Variants in FSTL5 observed in about 807,000 individuals in gnomAD.
FSTL5 encodes follistatin-related protein 5.
In FSTL5, 62 loss-of-function variants were observed where a neutral mutation model predicts 89.1. The observed-to-expected ratio is 0.70, with a 90% CI of 0.57 to 0.86. FSTL5 has a LOEUF of 0.86. FSTL5 is among the 40% of genes least tolerant of loss of function. The pLI, the probability that FSTL5 is intolerant of heterozygous loss-of-function variation, is 0.00. For missense variants in FSTL5, 1,057 were observed against 1,001.6 expected (o/e 1.06, Z -0.75); for synonymous variants, 383 against 346.2 (o/e 1.11, Z -1.18).
intron 15 of FSTL5, among the ~76,000 whole-genome samples, chr4:161,401,076 T>C (rs923596710): frequency 5.3e-5 from 8 of 152,176 alleles, no homozygotes; most frequent in Admixed American, 4.6e-4. Context: ...AACTTTAGAA[T>C]TTAACATTGA....
intron 4 of FSTL5, among the ~76,000 whole-genome samples, chr4:161,782,358 A>G (rs1741705219): frequency 6.6e-6 from 1 of 152,176 alleles, no homozygotes; most frequent in South Asian, 2.1e-4. Flanking sequence ...GTATTCCAGC[A>G]AGCAATGGGT....
chr4:162,130,095 G>A (rs997320581), intron 1 of FSTL5, among the ~76,000 whole-genome samples: 1 of 152,158 alleles, frequency 6.6e-6, no homozygotes, highest in African/African-American at 2.4e-5. Flanking sequence ...AAGCAACGAA[G>A]TGGAGGTCTT....
intron 6 of FSTL5, among the ~76,000 whole-genome samples, chr4:161,703,324 G>A (rs1214700612): frequency 6.6e-6 from 1 of 152,056 alleles, no homozygotes; most frequent in Non-Finnish European, 1.5e-5. Flanking sequence ...CACCACTCAT[G>A]CCTCTCTCCC....
chr4:161,762,975 T>C (rs6846449), intron 5 of FSTL5, among the ~76,000 whole-genome samples: 2 of 152,174 alleles, frequency 1.3e-5, no homozygotes, highest in Admixed American at 6.5e-5. Context: ...GTAATAGAAA[T>C]GTCAAAGTTG....
intron 10 of FSTL5, among the ~76,000 whole-genome samples, chr4:161,528,547 A>C (rs1385613627): frequency 7.0e-6 from 1 of 142,928 alleles, no homozygotes; most frequent in Non-Finnish European, 1.5e-5. Context: ...GAGTTAATAG[A>C]AATATATGGC....
At chr4:162,158,868 G>A (rs750687672) in intron 1 of FSTL5, among the ~76,000 whole-genome samples, 7 of 151,932 alleles carry the variant, frequency 4.6e-5, no homozygotes, top group Non-Finnish European at 1.0e-4. Flanking sequence ...AGCAAATTCA[G>A]GATCAAAGAC....
At chr4:161,841,440 T>C (rs189486968) in intron 4 of FSTL5, among the ~76,000 whole-genome samples, 4 of 152,318 alleles carry the variant, frequency 2.6e-5, no homozygotes, top group East Asian at 1.9e-4. Context: ...TCCCATTAGG[T>C]ATGTGCAAAA....
At chr4:162,144,842 T>C (rs1732907645) in intron 1 of FSTL5, among the ~76,000 whole-genome samples, 1 of 152,030 alleles carries the variant, frequency 6.6e-6, no homozygotes, top group South Asian at 2.1e-4. Context: ...ACGTATGCTG[T>C]CTAATGTAAA....
At chr4:161,992,953 T>TATATAC (rs1736178500) in intron 3 of FSTL5, among the ~76,000 whole-genome samples, 2 of 6,680 alleles carry the variant, frequency 3.0e-4, no homozygotes, top group Non-Finnish European at 4.0e-4. Context: ...TGTGTATATC[T>TATATAC]ATATATATAT....
chr4:162,022,970 T>C (rs1006115803), intron 3 of FSTL5: 1 of 152,162 alleles, frequency 6.6e-6, no homozygotes, highest in Admixed American at 6.6e-5. Context: ...AATTAGTTAA[T>C]GGGCACAATT....
chr4:161,742,446 C>T (rs879398286), intron 6 of FSTL5, among the ~76,000 whole-genome samples: 13 of 152,150 alleles, frequency 8.5e-5, no homozygotes, highest in African/African-American at 2.7e-4. Context: ...TCAAGATGTA[C>T]TTTTCATTCC....
chr4:161,678,782 T>A (rs1737410175), intron 6 of FSTL5, among the ~76,000 whole-genome samples: 1 of 151,796 alleles, frequency 6.6e-6, no homozygotes, highest in African/African-American at 2.4e-5. Flanking sequence ...TAAGAGAACA[T>A]CATTTGGAGA....
rs138983404 is a variant in FSTL5, at chr4:161,959,181, T to C, written c.161-38529A>G. ...GAGAAAGAATATATTCCATGTTTAA[T>C]AGAGTTTGACATTTTCTTATTGTAA... On this transcript the variant is annotated intron_variant, in intron 3 of 15. Coordinates refer to ENST00000306100, the MANE Select transcript of FSTL5 (RefSeq NM_020116.5). Among the ~76,000 whole-genome samples the C allele has an allele frequency of 3.4e-3, 524 of 152,252 alleles. 1 individual carries two copies. Among genetic ancestry groups the C allele is most frequent in the South Asian group, 0.017 (83 of 4,832 alleles).
chr4:161,681,731 C>T (rs1737530588), intron 6 of FSTL5, among the ~76,000 whole-genome samples: 1 of 151,932 alleles, frequency 6.6e-6, no homozygotes, highest in Non-Finnish European at 1.5e-5. Context: ...ATTATCTCAC[C>T]TAAATTTAAT....
chr4:161,776,074 C>A lies in FSTL5; in HGVS notation c.410G>T (p.Gly137Val). 1.4e-6 allele frequency: 2 copies of A among 1,432,654 alleles called. No homozygotes were observed. Among genetic ancestry groups the A allele is most frequent in the Non-Finnish European group, 9.4e-7 (1 of 1,067,308 alleles). The allele number at this position is 1,432,654 out of a possible 1,614,324, so 88.7% of individuals were successfully genotyped here. ...IVHNEDCFFK[G>V]DKCKTTEYSK... is the part of the protein sequence containing the mutation. ...GTATTCAGTAGTCTTGCACTTATCTCCTGTAACAAAAGAACTAGTTATTTT... is the reference window on the plus strand; with the variant it reads ...GTATTCAGTAGTCTTGCACTTATCTACTGTAACAAAAGAACTAGTTATTTT... Residue 137 changes from glycine (G) to valine (V), a missense_variant and splice_region_variant, in exon 5 of 16, where the codon GGA (glycine) becomes GTA (valine). Gly to Val is a moderately radical substitution (Grantham distance 109). Coordinates refer to ENST00000306100, the MANE Select transcript of FSTL5 (RefSeq NM_020116.5).
intron 12 of FSTL5, among the ~76,000 whole-genome samples, chr4:161,488,868 A>C (rs1323559533): frequency 6.6e-6 from 1 of 152,086 alleles, no homozygotes; most frequent in Non-Finnish European, 1.5e-5. Flanking sequence ...AGCTACTTTA[A>C]ATGTGGCATG....
At chr4:162,052,206 A>C (rs1349189917) in intron 2 of FSTL5, among the ~76,000 whole-genome samples, 1 of 151,624 alleles carries the variant, frequency 6.6e-6, no homozygotes, top group East Asian at 1.9e-4. Flanking sequence ...TTCTGAAAAA[A>C]CACAAAATGC....
chr4:161,548,948 T>C (rs1439909477), intron 8 of FSTL5, among the ~76,000 whole-genome samples: 2 of 151,916 alleles, frequency 1.3e-5, no homozygotes, highest in Non-Finnish European at 2.9e-5. Context: ...ACATGCTATC[T>C]TTAATGTAAA....
At chr4:162,059,749 A>T (rs1013002760) in intron 2 of FSTL5, among the ~76,000 whole-genome samples, 2 of 152,140 alleles carry the variant, frequency 1.3e-5, no homozygotes, top group African/African-American at 4.8e-5. Flanking sequence ...GTTTATAAGG[A>T]TGAAGGAGAT....
Sources: gnomAD v4.1 joint callset for allele counts (sites outside exome capture counted in the v4.1 genomes callset) on GRCh38, gnomAD v4.1.1 for gene constraint, MANE v1.5 for transcripts, NCBI Gene and HGNC (gene_info 2026-07-23, HGNC 2026-07-21) for gene names.